The following MSRB2 variants were observed in gnomAD, a reference collection of about 807,000 sequenced individuals.
The protein encoded by MSRB2 is methionine sulfoxide reductase B2.
In MSRB2, 17 loss-of-function variants were observed where a neutral mutation model predicts 19.0. The ratio of observed to expected loss-of-function variants is 0.89; its 90% CI spans 0.61 to 1.34. The LOEUF (loss-of-function observed/expected upper bound fraction) is 1.34. MSRB2 is among the 40% of genes most tolerant of loss of function. The pLI, the probability that MSRB2 is intolerant of heterozygous loss-of-function variation, is 0.00. For missense variants in MSRB2, 208 were observed against 237.6 expected (o/e 0.88, Z 0.82); for synonymous variants, 107 against 99.7 (o/e 1.07, Z -0.44).
chr10:23,113,574 T>C (rs971585943), intron 3 of MSRB2, among the ~76,000 whole-genome samples: 1 of 152,196 alleles, frequency 6.6e-6, no homozygotes, highest in Non-Finnish European at 1.5e-5. Context: ...TGGGATGAAT[T>C]GTGTCTCCCA....
In MSRB2 at chr10:23,102,460, T is replaced by A. The variant is rs913898181; in HGVS notation, c.119-1684T>A. Among the ~76,000 whole-genome samples the A allele has an allele frequency of 2.8e-4, 42 of 152,124 alleles. 1 individual carries two copies. The highest frequency in any genetic ancestry group is 2.9e-5 in the Non-Finnish European group (2 of 68,024). ...ACACATTGGTTTTAGTTGTGGACAG[T>A]CCTTCTTTTGAATAATTTCCCTCAA... On this transcript the variant is annotated intron_variant, in intron 1 of 4. Transcript: ENST00000376510.
intron 1 of MSRB2, among the ~76,000 whole-genome samples, chr10:23,096,503 T>C (rs1839871580): frequency 6.6e-6 from 1 of 152,110 alleles, no homozygotes; most frequent in South Asian, 2.1e-4. Flanking sequence ...GGTAACTTAG[T>C]GCCCCAGGGG....
chr10:23,111,940 T>G (rs1382887792), intron 3 of MSRB2, among the ~76,000 whole-genome samples: 2 of 151,700 alleles, frequency 1.3e-5, no homozygotes, highest in Non-Finnish European at 2.9e-5. Flanking sequence ...TAATTTAAAC[T>G]TAAATGTAAT....
At chr10:23,115,250 C>T (rs1564431115) in intron 3 of MSRB2, among the ~76,000 whole-genome samples, 1 of 152,204 alleles carries the variant, frequency 6.6e-6, no homozygotes, top group Admixed American at 6.5e-5. Context: ...ATCACTGCCA[C>T]TTCCTCTCCT....
At chr10:23,109,039 G>A (rs1840016071) in intron 2 of MSRB2, among the ~76,000 whole-genome samples, 1 of 152,188 alleles carries the variant, frequency 6.6e-6, no homozygotes, top group Non-Finnish European at 1.5e-5. Context: ...TTTGAGTTGG[G>A]AAGCCTGGAG....
chr10:23,120,760 T>G lies in MSRB2; in HGVS notation c.447T>G (p.Cys149Trp). The G allele has an allele frequency of 6.2e-7, 1 of 1,613,010 alleles. No individual in the cohort carries two copies. Among genetic ancestry groups the G allele is most frequent in the Non-Finnish European group, 8.5e-7 (1 of 1,179,100 alleles). The change falls in exon 5 of 5, where the codon TGT (cysteine) becomes TGG (tryptophan). Residue 149 changes from cysteine (C) to tryptophan (W), a missense_variant and splice_region_variant. By Grantham distance (215) the Cys-to-Trp change is radical. Transcript: ENST00000376510. ...ACAGAGGCTTCTGTCCTTTGCAGTGTGAAGCTCATCTAGGTCACGTGTTTC... is the reference window on the plus strand; with the variant it reads ...ACAGAGGCTTCTGTCCTTTGCAGTGGGAAGCTCATCTAGGTCACGTGTTTC... ...SARTEVVCKQ[C>W]EAHLGHVFPD...
intron 2 of MSRB2, among the ~76,000 whole-genome samples, chr10:23,108,908 C>T (rs1840014104): frequency 6.6e-6 from 1 of 152,202 alleles, no homozygotes. Context: ...AGAAGGAAAA[C>T]ATCCAAGTGT....
chr10:23,119,595 CTTTGTTTTGTTTTGT>C (rs367774870), intron 4 of MSRB2, 144 bp downstream of exon 4: 3 of 1,070,722 alleles, frequency 2.8e-6, no homozygotes, highest in Non-Finnish European at 3.9e-6. Context: ...TTTTGTTTTG[CTTTGTTTTGTTTTGT>C]TTTGTTTTGT....
Position 23,116,688 on chromosome 10 carries a change from A to C in MSRB2, c.297-2616A>C, listed in dbSNP as rs187705405. ...AAGCTGTAGTTACGGCTGGTGGAACAGAGGGTCTCAGCTAGTCAGTGTCTG... is the reference window on the plus strand; with the variant it reads ...AAGCTGTAGTTACGGCTGGTGGAACCGAGGGTCTCAGCTAGTCAGTGTCTG... On this transcript the variant is annotated intron_variant, in intron 3 of 4. Transcript: ENST00000376510. 3.3e-5 allele frequency among the ~76,000 whole-genome samples: 5 copies of C among 152,312 alleles called. No homozygotes were observed. The East Asian group carries it at 9.6e-4, about 29-fold the overall frequency.
chr10:23,105,916 G>C (rs1839983434), intron 2 of MSRB2, among the ~76,000 whole-genome samples: 1 of 152,164 alleles, frequency 6.6e-6, no homozygotes, highest in African/African-American at 2.4e-5. Context: ...GCCCTTGTTG[G>C]GAAAGAGACT....
At chr10:23,113,229 T>C (rs929950184) in intron 3 of MSRB2, among the ~76,000 whole-genome samples, 1 of 152,226 alleles carries the variant, frequency 6.6e-6, no homozygotes, top group Non-Finnish European at 1.5e-5. Flanking sequence ...CTCACTCCTT[T>C]GAGCTCCCTG....
At chr10:23,109,540 CAAA>C (rs71395829) in intron 2 of MSRB2, among the ~76,000 whole-genome samples, 4 of 138,322 alleles carry the variant, frequency 2.9e-5, no homozygotes, top group African/African-American at 8.2e-5. Context: ...GACTTCATCT[CAAA>C]AAAAAAAAAA....
At chr10:23,104,080 C>G (rs1176665231) in intron 1 of MSRB2, 64 bp from the exon 2 acceptor site, 35 of 1,358,354 alleles carry the variant, frequency 2.6e-5, no homozygotes, top group Non-Finnish European at 3.2e-5. Context: ...GGAAAAAGGT[C>G]AAGGAAGAAA....
chr10:23,104,381 C>T (rs780246564), intron 2 of MSRB2, 137 bp downstream of exon 2: 14 of 605,058 alleles, frequency 2.3e-5, no homozygotes, highest in Non-Finnish European at 2.5e-5. Flanking sequence ...GTGCCCTTCT[C>T]GGGGTGTTGA....
intron 3 of MSRB2, among the ~76,000 whole-genome samples, chr10:23,117,402 A>G (rs549749831): frequency 2.1e-4 from 32 of 152,324 alleles, no homozygotes; most frequent in African/African-American, 7.7e-4. Context: ...AGAGGCACAT[A>G]TGAAGATTCA....
chr10:23,104,538 G>T (rs1398196908), intron 2 of MSRB2, among the ~76,000 whole-genome samples: 1 of 152,110 alleles, frequency 6.6e-6, no homozygotes, highest in East Asian at 1.9e-4. Flanking sequence ...TCTGTGCATG[G>T]CCATTCTTGC....
Position 23,120,886 on chromosome 10 carries a change from T to C in MSRB2, c.*24T>C. ...GACCATCTTCAAGAGTCCCGTTCCC[T>C]TGCCACCCCTTCACGTGCACCCTCA... On this transcript the variant is annotated 3_prime_UTR_variant, in exon 5 of 5. Coordinates refer to ENST00000376510, the MANE Select transcript of MSRB2 (RefSeq NM_012228.4). 6.4e-7 allele frequency: 1 copy of C among 1,565,274 alleles called. No homozygotes were observed. The highest frequency in any genetic ancestry group is 8.8e-7 in the Non-Finnish European group (1 of 1,138,406).
At chr10:23,099,998 A>G (rs1213421091) in intron 1 of MSRB2, among the ~76,000 whole-genome samples, 2 of 152,164 alleles carry the variant, frequency 1.3e-5, no homozygotes, top group African/African-American at 4.8e-5. Flanking sequence ...TGCTTCCAGG[A>G]GACAATAGGG....
chr10:23,119,236 CG>C, intron 3 of MSRB2, 67 bp from the exon 4 acceptor site: 1 of 1,573,162 alleles, frequency 6.4e-7, no homozygotes, highest in Non-Finnish European at 8.7e-7. Flanking sequence ...AACAACACAT[CG>C]GGGCACCTCT....
Sources: allele counts gnomAD v4.1 joint callset (sites outside exome capture counted in the v4.1 genomes callset), GRCh38; gene constraint gnomAD v4.1.1; transcripts MANE v1.5; gene names NCBI Gene and HGNC (gene_info 2026-07-23, HGNC 2026-07-21).